Variants in MFF observed in about 807,000 individuals in gnomAD.
The protein encoded by MFF is chromosome 2 open reading frame 33.
In MFF, 12 loss-of-function variants were observed where a neutral mutation model predicts 36.9. The ratio of observed to expected loss-of-function variants is 0.33; its 90% CI spans 0.21 to 0.53. The LOEUF (loss-of-function observed/expected upper bound fraction) is 0.53. Ranked by LOEUF, MFF falls within the 20% of genes least tolerant of loss-of-function variation. The pLI is 0.95. For synonymous variants in MFF, 99 were observed against 126.2 expected, an observed-to-expected ratio of 0.78 and a Z score of 1.44; for missense variants, 348 against 366.6, an observed-to-expected ratio of 0.95 and a Z score of 0.42.
chr2:227,331,959 ATT>A (rs10549336), intron 3 of MFF, among the ~76,000 whole-genome samples: 1,779 of 76,648 alleles, frequency 0.023, 288 homozygotes, highest in African/African-American at 0.076. Context: ...CGCTGGAAGC[ATT>A]TTTTTTTTTT....
At chr2:227,347,637 T>G (rs529360126) in intron 6 of MFF, among the ~76,000 whole-genome samples, 1 of 152,340 alleles carries the variant, frequency 6.6e-6, no homozygotes, top group East Asian at 1.9e-4. Flanking sequence ...TTCAAAGGCT[T>G]TTCTAGCCTA....
intron 3 of MFF, among the ~76,000 whole-genome samples, chr2:227,331,950 G>C (rs1330279469): frequency 6.9e-6 from 1 of 144,766 alleles, no homozygotes; most frequent in Admixed American, 6.9e-5. Flanking sequence ...ATGTCAATAC[G>C]CTGGAAGCAT....
intron 6 of MFF, among the ~76,000 whole-genome samples, chr2:227,351,172 G>C (rs927050332): frequency 2.9e-4 from 44 of 152,170 alleles, no homozygotes; most frequent in African/African-American, 1.0e-3. Context: ...TAATGCCACA[G>C]AGTAAATATG....
intron 6 of MFF, among the ~76,000 whole-genome samples, chr2:227,351,409 TGTA>T (rs35497252): frequency 0.88 from 133,902 of 151,848 alleles, 59,644 homozygotes; most frequent in Non-Finnish European, 0.95. Flanking sequence ...TAATTTGTAT[TGTA>T]GTCAAAATTC....
chr2:227,341,801 T>G (rs6748746), intron 5 of MFF, among the ~76,000 whole-genome samples: 162 of 152,010 alleles, frequency 1.1e-3, no homozygotes, highest in African/African-American at 3.5e-3. Context: ...TTTTCCACTT[T>G]ATAAAGATGT....
chr2:227,352,411 A>G (rs999977889), intron 6 of MFF, 103 bp from the exon 7 acceptor site: 20 of 850,936 alleles, frequency 2.4e-5, no homozygotes, highest in South Asian at 7.0e-5. Context: ...AATATACAAT[A>G]TAATCCTATT....
intron 4 of MFF, among the ~76,000 whole-genome samples, chr2:227,339,651 A>G (rs1045694912): frequency 6.6e-6 from 1 of 152,230 alleles, no homozygotes; most frequent in African/African-American, 2.4e-5. Context: ...GTTATGACCT[A>G]GCCTCAGAAG....
chr2:227,332,659 C>A, intron 4 of MFF, 71 bp downstream of exon 4: 2 of 1,116,520 alleles, frequency 1.8e-6, no homozygotes, highest in Non-Finnish European at 2.6e-6. Flanking sequence ...AGCAAAGAGG[C>A]TTTATCATAT....
Position 227,338,380 on chromosome 2 carries a change from A to AAG in MFF, c.352-1911_352-1910insGA, listed in dbSNP as rs2075164367. 2.6e-5 allele frequency among the ~76,000 whole-genome samples: 4 copies of AAG among 151,372 alleles called. No homozygotes were observed. The South Asian group carries it at 6.2e-4, about 24-fold the overall frequency. ...GTGACACTCTGTCTCAAAAAAAAAA[A>AAG]AAAGAAAAGAAAAACATCCACCTGG... On this transcript the variant is annotated intron_variant, in intron 4 of 8. Transcript: ENST00000304593.
At chr2:227,343,039 G>T (rs1201258893) in intron 5 of MFF, among the ~76,000 whole-genome samples, 2 of 151,816 alleles carry the variant, frequency 1.3e-5, no homozygotes, top group Non-Finnish European at 2.9e-5. Flanking sequence ...ATATGATTTT[G>T]CATGTGTTGG....
At chr2:227,336,230 C>G (rs746916460) in intron 4 of MFF, among the ~76,000 whole-genome samples, 3 of 152,174 alleles carry the variant, frequency 2.0e-5, no homozygotes, top group Non-Finnish European at 4.4e-5. Flanking sequence ...TCCTATCAAT[C>G]AAGCCGTGAT....
At position 227,334,075 on chromosome 2, in the gene MFF, A is replaced by G. The variant is rs564395773; in HGVS notation, c.351+1487A>G. Among the ~76,000 whole-genome samples, 14 of 152,352 alleles carry G rather than the reference A, an allele frequency of 9.2e-5. No individual in the cohort carries two copies. The East Asian group carries it at 2.7e-3, about 29-fold the overall frequency. On this transcript the variant is annotated intron_variant, in intron 4 of 8. Transcript: ENST00000304593. ...GTGTGAGAATTAGAACTAATTTTGA[A>G]GACCTACTTTGCCATTTACTAACCA... is the stretch of plus-strand genomic sequence containing the variant.
At chr2:227,349,423 TGATA>T (rs942852772) in intron 6 of MFF, among the ~76,000 whole-genome samples, 62 of 152,258 alleles carry the variant, frequency 4.1e-4, no homozygotes, top group African/African-American at 1.5e-3. Flanking sequence ...TGTGATGAAT[TGATA>T]ACTCTAAAAT....
intron 5 of MFF, among the ~76,000 whole-genome samples, chr2:227,342,523 G>T (rs1203941289): frequency 6.6e-6 from 1 of 152,068 alleles, no homozygotes; most frequent in Non-Finnish European, 1.5e-5. Flanking sequence ...ATGAAACTTT[G>T]CCTGTCTCCA....
intron 6 of MFF, among the ~76,000 whole-genome samples, chr2:227,348,609 G>A (rs1011846276): frequency 6.6e-6 from 1 of 152,136 alleles, no homozygotes; most frequent in African/African-American, 2.4e-5. Context: ...GGACTATTGG[G>A]AAGCTGTAAG....
In MFF at chr2:227,349,087, G is replaced by C. The variant is rs140515894; in HGVS notation, c.599+1703G>C. On this transcript the variant is annotated intron_variant, in intron 6 of 8. Transcript: ENST00000304593. ...AAATGCTATTACATTTAAAATATCT[G>C]AATGAGAGAGATATTTCCAAATCTT... Among the ~76,000 whole-genome samples, 1,329 of 152,090 alleles carry C rather than the reference G, an allele frequency of 8.7e-3. 10 individuals carry two copies. Among genetic ancestry groups the C allele is most frequent in the Middle Eastern group, 0.041 (12 of 294 alleles).
intron 5 of MFF, among the ~76,000 whole-genome samples, chr2:227,342,256 A>G (rs2075437730): frequency 6.6e-6 from 1 of 152,084 alleles, no homozygotes; most frequent in Non-Finnish European, 1.5e-5. Context: ...CATGTTATGT[A>G]TGTATTTTGT....
intron 5 of MFF, among the ~76,000 whole-genome samples, chr2:227,342,099 A>G (rs1191183598): frequency 6.6e-6 from 1 of 151,860 alleles, no homozygotes; most frequent in African/African-American, 2.4e-5. Context: ...TTTTTCTTTA[A>G]GTTGCTTTAA....
intron 5 of MFF, among the ~76,000 whole-genome samples, chr2:227,341,498 G>A (rs2075388545): frequency 6.6e-6 from 1 of 152,062 alleles, no homozygotes; most frequent in Admixed American, 6.6e-5. Flanking sequence ...AGGTTAAAAT[G>A]AATATATATC....
Sources: allele counts gnomAD v4.1 joint callset (sites outside exome capture counted in the v4.1 genomes callset), GRCh38; gene constraint gnomAD v4.1.1; transcripts MANE v1.5; gene names NCBI Gene and HGNC (gene_info 2026-07-23, HGNC 2026-07-21).